Variants in UTRN observed in about 807,000 individuals in gnomAD.
UTRN encodes the protein dystrophin-related protein 1.
In UTRN, 283 loss-of-function variants were observed where a neutral mutation model predicts 463.9. The observed-to-expected ratio is 0.61, with a 90% CI of 0.55 to 0.67. The LOEUF (loss-of-function observed/expected upper bound fraction) is 0.67, where lower values mean the gene tolerates loss of function less well. Among genes scored for constraint, UTRN ranks in the 30% least tolerant of loss-of-function variants. The pLI is 0.00. For synonymous variants in UTRN, 1,442 were observed against 1,431.5 expected (o/e 1.01, Z -0.17); for missense variants, 3,922 against 4,084.3 (o/e 0.96, Z 1.08).
intron 51 of UTRN, among the ~76,000 whole-genome samples, chr6:144,587,308 A>G (rs1802557899): frequency 6.6e-6 from 1 of 152,202 alleles, no homozygotes; most frequent in Non-Finnish European, 1.5e-5. Flanking sequence ...TGTGAAAAAT[A>G]GAAGAGACCA....
chr6:144,601,199 G>A (rs910866278), intron 51 of UTRN, among the ~76,000 whole-genome samples: 2 of 152,104 alleles, frequency 1.3e-5, no homozygotes, highest in African/African-American at 4.8e-5. Flanking sequence ...CCCATGGATC[G>A]AGATGATATT....
chr6:144,523,658 GA>G (rs1796319320), intron 41 of UTRN, among the ~76,000 whole-genome samples: 1 of 152,162 alleles, frequency 6.6e-6, no homozygotes, highest in African/African-American at 2.4e-5. Flanking sequence ...CTTAAAGGAG[GA>G]ATGTGATCAT....
rs531800471 is a variant in UTRN at position 144,610,898 on chromosome 6, C to A, written c.7479+33610C>A. Among the ~76,000 whole-genome samples the A allele has an allele frequency of 3.0e-4, 45 of 152,042 alleles. No homozygotes were observed. In the South Asian group the frequency reaches 3.5e-3, roughly 12 times the overall value. Reference sequence around the variant, plus strand: ...TTCAAAAAAACCAAACCAAACCAAACCAAAACAAACAAGAAAACAATAGGG... The same window carrying A: ...TTCAAAAAAACCAAACCAAACCAAAACAAAACAAACAAGAAAACAATAGGG... On this transcript the variant is annotated intron_variant, in intron 51 of 74. Coordinates refer to ENST00000367545, the MANE Select transcript of UTRN (RefSeq NM_007124.3).
chr6:144,430,790 C>T (rs1785753565), intron 9 of UTRN, among the ~76,000 whole-genome samples: 1 of 152,082 alleles, frequency 6.6e-6, no homozygotes, highest in Non-Finnish European at 1.5e-5. Context: ...TATTATGATA[C>T]TAGTCTTGAA....
chr6:144,378,726 T>G (rs1780669395), intron 2 of UTRN, among the ~76,000 whole-genome samples: 2 of 152,142 alleles, frequency 1.3e-5, no homozygotes, highest in Non-Finnish European at 2.9e-5. Flanking sequence ...ATATGAACCA[T>G]GTTAATTTAG....
chr6:144,403,106 C>A lies in UTRN; in HGVS notation c.80-17C>A, dbSNP rs765068706. ...ACTCTCATACTTTTTCCTTCTCTTT[C>A]TTTTTCCATTCCACAGATGAACACA... On this transcript the variant is annotated splice_polypyrimidine_tract_variant and intron_variant, in intron 2 of 74. Coordinates refer to ENST00000367545, the MANE Select transcript of UTRN (RefSeq NM_007124.3). 47 of 1,610,868 alleles carry A rather than the reference C, an allele frequency of 2.9e-5. No individual in the cohort carries two copies. The highest frequency in any genetic ancestry group is 4.0e-5 in the Non-Finnish European group (47 of 1,178,014).
At chr6:144,315,945 G>GGA (rs1775258479) in intron 2 of UTRN, among the ~76,000 whole-genome samples, 1 of 152,196 alleles carries the variant, frequency 6.6e-6, no homozygotes, top group Non-Finnish European at 1.5e-5. Flanking sequence ...ATCTGGACAG[G>GGA]ACTGTTCCCT....
chr6:144,828,173 A>T (rs1398845809), intron 68 of UTRN, among the ~76,000 whole-genome samples: 2 of 152,162 alleles, frequency 1.3e-5, no homozygotes, highest in Non-Finnish European at 2.9e-5. Flanking sequence ...CTTTGCCTAG[A>T]AAGGTTAATT....
intron 51 of UTRN, among the ~76,000 whole-genome samples, chr6:144,587,782 T>C (rs1019838392): frequency 1.3e-5 from 2 of 152,104 alleles, no homozygotes; most frequent in African/African-American, 4.8e-5. Flanking sequence ...TATTTTAAGG[T>C]CAACTCTTGG....
chr6:144,452,064 G>T (rs1788375851), intron 18 of UTRN, among the ~76,000 whole-genome samples: 1 of 152,076 alleles, frequency 6.6e-6, no homozygotes. Flanking sequence ...AACTATTTGG[G>T]CACCTGGGTA....
rs369994352 is a variant in UTRN, at chr6:144,781,068, T to C, written c.8633-854T>C. On this transcript the variant is annotated intron_variant, in intron 60 of 74. Coordinates refer to ENST00000367545, the MANE Select transcript of UTRN (RefSeq NM_007124.3). ...TTTAGTAAAGCCATCAGTATGTCTT[T>C]GAGAGCAGGGGCTCTGCCTTCACCT... Among the ~76,000 whole-genome samples, 9 of 152,230 alleles carry C rather than the reference T, an allele frequency of 5.9e-5. No homozygotes were observed. The East Asian group carries it at 7.7e-4, about 13-fold the overall frequency.
chr6:144,361,541 C>T (rs189806948), intron 2 of UTRN, among the ~76,000 whole-genome samples: 2 of 152,022 alleles, frequency 1.3e-5, no homozygotes, highest in Non-Finnish European at 2.9e-5. Flanking sequence ...AGGGGCATTG[C>T]GGGGCTGATA....
chr6:144,546,622 G>A (rs1798429546), intron 46 of UTRN, among the ~76,000 whole-genome samples: 1 of 151,910 alleles, frequency 6.6e-6, no homozygotes. Context: ...GTAACATAGG[G>A]AGACCCTGTC....
chr6:144,682,999 A>G (rs943707907), intron 52 of UTRN, among the ~76,000 whole-genome samples: 9 of 152,286 alleles, frequency 5.9e-5, no homozygotes, highest in African/African-American at 1.9e-4. Context: ...AGGTCTCCCA[A>G]AACAGCTTCC....
intron 12 of UTRN, 149 bp from the exon 13 acceptor site, chr6:144,440,203 G>A (rs1787010963): frequency 1.3e-6 from 1 of 780,856 alleles, no homozygotes. Flanking sequence ...AATAGGATTA[G>A]TTTCATTAGT....
chr6:144,356,044 G>A (rs983760218), intron 2 of UTRN, among the ~76,000 whole-genome samples: 2 of 152,302 alleles, frequency 1.3e-5, no homozygotes, highest in Admixed American at 1.3e-4. Flanking sequence ...GAATGATTCT[G>A]AAACAGGTTT....
At chr6:144,835,631 G>A in intron 69 of UTRN, 149 bp from the exon 70 acceptor site, 2 of 967,788 alleles carry the variant, frequency 2.1e-6, no homozygotes, top group South Asian at 1.6e-5. Context: ...TCTTCCTAGA[G>A]TTTTAAAAGG....
intron 2 of UTRN, among the ~76,000 whole-genome samples, chr6:144,299,928 G>A (rs945891325): frequency 6.6e-6 from 1 of 151,910 alleles, no homozygotes; most frequent in East Asian, 1.9e-4. Context: ...ATATAACTAT[G>A]CTTGCTTTTG....
At chr6:144,453,934 G>C (rs575853637) in intron 19 of UTRN, 65 bp downstream of exon 19, 2 of 1,436,406 alleles carry the variant, frequency 1.4e-6, no homozygotes, top group East Asian at 2.3e-5. Flanking sequence ...ATTACAGTTT[G>C]CCCTATTAAA....
Sources: gnomAD v4.1 joint callset for allele counts (sites outside exome capture counted in the v4.1 genomes callset) on GRCh38, gnomAD v4.1.1 for gene constraint, MANE v1.5 for transcripts, NCBI Gene and HGNC (gene_info 2026-07-23, HGNC 2026-07-21) for gene names.